IDE: variants seen among roughly 807,000 people sequenced by gnomAD.
The protein encoded by IDE is insulin-degrading enzyme.
A neutral mutation model predicts 133.2 loss-of-function variants in IDE; 58 were observed. The ratio of observed to expected loss-of-function variants is 0.44; its 90% CI spans 0.35 to 0.54. The LOEUF (loss-of-function observed/expected upper bound fraction) is 0.54, where lower values mean the gene tolerates loss of function less well. IDE is among the 20% of genes least tolerant of loss of function. The probability of loss-of-function intolerance (pLI) is 0.00; values close to 1 mark genes in which losing one functional copy is unlikely to be tolerated. For missense variants in IDE, 981 were observed against 1,234.0 expected (o/e 0.79, Z 3.07); for synonymous variants, 396 against 421.3 (o/e 0.94, Z 0.73).
chr10:92,469,610 TAG>T (rs1280425749), intron 18 of IDE, among the ~76,000 whole-genome samples: 4 of 152,040 alleles, frequency 2.6e-5, no homozygotes, highest in Non-Finnish European at 4.4e-5. Context: ...CAATTTTTTG[TAG>T]AGTTATGTTG....
chr10:92,569,805 G>T (rs929944234), intron 1 of IDE, among the ~76,000 whole-genome samples: 4 of 152,164 alleles, frequency 2.6e-5, no homozygotes, highest in African/African-American at 9.6e-5. Context: ...AAAGCAGATT[G>T]TGAGTCCTAC....
chr10:92,538,650 C>G lies in IDE; in HGVS notation c.99-1100G>C, dbSNP rs145729524. ...CAGTGATGGGAAAGGACTATCAGTA[C>G]ACAGAATCATGTAGGGATGTTGGTT... On this transcript the variant is annotated intron_variant, in intron 1 of 24. Transcript: ENST00000265986. Among the ~76,000 whole-genome samples, 10 of 152,240 alleles carry G rather than the reference C, an allele frequency of 6.6e-5. No homozygotes were observed. The East Asian group carries it at 1.2e-3, about 18-fold the overall frequency.
At chr10:92,555,393 A>G (rs1014227277) in intron 1 of IDE, among the ~76,000 whole-genome samples, 1 of 152,038 alleles carries the variant, frequency 6.6e-6, no homozygotes, top group Non-Finnish European at 1.5e-5. Context: ...GCTACTTGGG[A>G]AACTGAGGCA....
intron 1 of IDE, among the ~76,000 whole-genome samples, chr10:92,561,882 T>G (rs1843302194): frequency 6.6e-6 from 1 of 152,266 alleles, no homozygotes; most frequent in Non-Finnish European, 1.5e-5. Context: ...ATGTGTATTT[T>G]GTTTCATTTT....
chr10:92,534,023 GAA>G (rs57350070), intron 3 of IDE, among the ~76,000 whole-genome samples: 46 of 138,776 alleles, frequency 3.3e-4, no homozygotes, highest in Non-Finnish European at 5.6e-4. Flanking sequence ...AACTCCGTCT[GAA>G]AAAAAAAAAA....
chr10:92,499,057 T>C (rs1847873389), intron 11 of IDE, among the ~76,000 whole-genome samples: 1 of 152,096 alleles, frequency 6.6e-6, no homozygotes, highest in African/African-American at 2.4e-5. Flanking sequence ...TTAAAACCAG[T>C]GTGGCAAGTA....
Position 92,540,547 on chromosome 10 carries a change from C to A in IDE, c.99-2997G>T, listed in dbSNP as rs558499921. Among the ~76,000 whole-genome samples the A allele has an allele frequency of 2.6e-5, 4 of 152,236 alleles. No homozygotes were observed. In the East Asian group the frequency reaches 7.7e-4, roughly 29 times the overall value. ...AACTTACCCCAGGCAAGAATCTACT[C>A]CAGGGAGAAAAGAGGTTGGTCTTCT... is the stretch of plus-strand genomic sequence containing the variant. On this transcript the variant is annotated intron_variant, in intron 1 of 24. Transcript: ENST00000265986.
intron 11 of IDE, among the ~76,000 whole-genome samples, chr10:92,499,150 G>A (rs994174584): frequency 5.9e-5 from 9 of 151,950 alleles, no homozygotes; most frequent in African/African-American, 2.2e-4. Context: ...ACTTAAGAGC[G>A]GTTTTTAATA....
chr10:92,525,633 C>T (rs1365862537), intron 4 of IDE, among the ~76,000 whole-genome samples: 1 of 151,690 alleles, frequency 6.6e-6, no homozygotes, highest in Non-Finnish European at 1.5e-5. Context: ...TTAGAAAAAC[C>T]TGAAGACTCT....
intron 1 of IDE, among the ~76,000 whole-genome samples, chr10:92,553,262 A>G (rs912498195): frequency 6.6e-5 from 10 of 152,006 alleles, no homozygotes; most frequent in African/African-American, 2.4e-4. Context: ...TGTCTCTATT[A>G]AAAATACAAA....
Position 92,544,391 on chromosome 10 carries a change from A to C in IDE, c.99-6841T>G, listed in dbSNP as rs76152719. Among the ~76,000 whole-genome samples, 188 of 152,336 alleles carry C rather than the reference A, an allele frequency of 1.2e-3. 1 individual carries two copies. In the East Asian group the frequency reaches 0.033, roughly 26 times the overall value. On this transcript the variant is annotated intron_variant, in intron 1 of 24. Coordinates refer to ENST00000265986, the MANE Select transcript of IDE (RefSeq NM_004969.4). Reference sequence around the variant, plus strand: ...ACAGCTGTTCGCAGTCATCCTCTTCAACTCCAAATGAGAAACAAAAGCTCA... The same window carrying C: ...ACAGCTGTTCGCAGTCATCCTCTTCCACTCCAAATGAGAAACAAAAGCTCA...
At chr10:92,541,233 A>G in intron 1 of IDE, 1 of 394,678 alleles carries the variant, frequency 2.5e-6, no homozygotes, top group South Asian at 1.9e-5. Flanking sequence ...AATCCTATTC[A>G]ATACAAAGTC....
At chr10:92,455,479 T>C (rs1412884057) in intron 24 of IDE, 97 bp downstream of exon 24, 1 of 792,044 alleles carries the variant, frequency 1.3e-6, no homozygotes, top group African/African-American at 1.7e-5. Flanking sequence ...AGACTCCATT[T>C]CAAAAACAAA....
intron 1 of IDE, among the ~76,000 whole-genome samples, chr10:92,560,098 C>G (rs561414194): frequency 6.6e-6 from 1 of 152,280 alleles, no homozygotes; most frequent in South Asian, 2.1e-4. Context: ...TGTTTTATGA[C>G]AATTCCTAAT....
rs576770345 is a variant in IDE at position 92,559,913 on chromosome 10, T to C, written c.98+14009A>G. 9.2e-5 allele frequency among the ~76,000 whole-genome samples: 14 copies of C among 152,168 alleles called. No homozygotes were observed. In the South Asian group the frequency reaches 2.9e-3, roughly 32 times the overall value. On this transcript the variant is annotated intron_variant, in intron 1 of 24. Coordinates refer to ENST00000265986, the MANE Select transcript of IDE (RefSeq NM_004969.4). Reference sequence around the variant, plus strand: ...CCTCCACACTCGGCTAATTTTTTATTTTTTGTAGAGATAGGGTCCCACTAT... The same window carrying C: ...CCTCCACACTCGGCTAATTTTTTATCTTTTGTAGAGATAGGGTCCCACTAT...
At chr10:92,504,483 G>A (rs1459811619) in intron 11 of IDE, among the ~76,000 whole-genome samples, 1 of 151,980 alleles carries the variant, frequency 6.6e-6, no homozygotes, top group East Asian at 1.9e-4. Flanking sequence ...GGTTAAGACA[G>A]GTTATTATTC....
At chr10:92,509,399 C>T (rs1463519933) in intron 6 of IDE, among the ~76,000 whole-genome samples, 1 of 151,896 alleles carries the variant, frequency 6.6e-6, no homozygotes, top group African/African-American at 2.4e-5. Flanking sequence ...TCGACCTCAG[C>T]CTGGCCAACA....
At chr10:92,573,011 C>G (rs1843864393) in intron 1 of IDE, 1 of 985,228 alleles carries the variant, frequency 1.0e-6, no homozygotes, top group African/African-American at 1.7e-5. Context: ...GGGTCCAGCA[C>G]AGTGCCCTGC....
chr10:92,510,969 C>T (rs772896807), intron 5 of IDE, among the ~76,000 whole-genome samples: 4 of 148,842 alleles, frequency 2.7e-5, no homozygotes, highest in Non-Finnish European at 5.9e-5. Context: ...GAAGAGGGCA[C>T]AGCAGTCATA....
Sources: gnomAD v4.1 joint callset for allele counts (sites outside exome capture counted in the v4.1 genomes callset) on GRCh38, gnomAD v4.1.1 for gene constraint, MANE v1.5 for transcripts, NCBI Gene and HGNC (gene_info 2026-07-23, HGNC 2026-07-21) for gene names.